Variants in SEMA3A observed in about 807,000 individuals in gnomAD.
The protein encoded by SEMA3A is semaphorin-3A.
SEMA3A carries 29 observed loss-of-function variants against 97.9 expected under a neutral mutation model. The observed-to-expected ratio is 0.30, with a 90% CI of 0.22 to 0.40. The LOEUF (loss-of-function observed/expected upper bound fraction) is 0.40, where lower values mean the gene tolerates loss of function less well. Among genes scored for constraint, SEMA3A ranks in the 10% least tolerant of loss-of-function variants. The pLI is 1.00. For missense variants in SEMA3A, 763 were observed against 951.3 expected, an observed-to-expected ratio of 0.80 and a Z score of 2.60; for synonymous variants, 321 against 323.7, an observed-to-expected ratio of 0.99 and a Z score of 0.09.
chr7:84,026,354 T>C (rs1314529896), intron 6 of SEMA3A, among the ~76,000 whole-genome samples: 1 of 152,182 alleles, frequency 6.6e-6, no homozygotes, highest in Non-Finnish European at 1.5e-5. Context: ...AATTCTCTAC[T>C]AATAATTTTT....
intron 2 of SEMA3A, among the ~76,000 whole-genome samples, chr7:84,333,605 C>A (rs1456727129): frequency 1.3e-5 from 2 of 152,054 alleles, no homozygotes; most frequent in Non-Finnish European, 2.9e-5. Flanking sequence ...AATTGAAATG[C>A]AGAAAAATAC....
chr7:83,964,832 T>C (rs1788606795), intron 15 of SEMA3A, among the ~76,000 whole-genome samples: 1 of 152,238 alleles, frequency 6.6e-6, no homozygotes, highest in Non-Finnish European at 1.5e-5. Context: ...CATGTGCCAA[T>C]ATCTATATTG....
intron 5 of SEMA3A, among the ~76,000 whole-genome samples, chr7:84,055,288 C>G (rs1304345916): frequency 6.6e-6 from 1 of 152,138 alleles, no homozygotes; most frequent in African/African-American, 2.4e-5. Context: ...CAATGGCGGG[C>G]GCCCCTCCCC....
intron 4 of SEMA3A, among the ~76,000 whole-genome samples, chr7:84,096,482 T>C (rs1794777495): frequency 6.6e-6 from 1 of 152,070 alleles, no homozygotes; most frequent in Non-Finnish European, 1.5e-5. Flanking sequence ...CATAAGTAGT[T>C]ATGAGTATAC....
chr7:84,086,550 ATAATATAT>A (rs1464808199), intron 4 of SEMA3A, among the ~76,000 whole-genome samples: 24 of 73,060 alleles, frequency 3.3e-4, no homozygotes, highest in African/African-American at 6.9e-4. Context: ...ATATTTACAT[ATAATATAT>A]TATTATATTA....
At chr7:84,098,727 G>C (rs1291757148) in intron 4 of SEMA3A, among the ~76,000 whole-genome samples, 1 of 152,016 alleles carries the variant, frequency 6.6e-6, no homozygotes, top group Non-Finnish European at 1.5e-5. Context: ...GTATTAATAA[G>C]CACATCATAT....
intron 1 of SEMA3A, among the ~76,000 whole-genome samples, chr7:84,389,004 G>A (rs546442291): frequency 1.3e-5 from 2 of 151,946 alleles, no homozygotes; most frequent in South Asian, 2.1e-4. Context: ...TTATTATAAA[G>A]GAACAAATTA....
In SEMA3A at chr7:84,166,581, A is replaced by C. The variant is rs1050147762; in HGVS notation, c.112+27894T>G. ...AGCAAAACTCCGTCAAAAAAAAAAA[A>C]AAAATTGCCGGGGGGGCGCAGTGGC... On this transcript the variant is annotated intron_variant, in intron 1 of 16. Transcript: ENST00000265362. Among the ~76,000 whole-genome samples, 4 of 151,014 alleles carry C rather than the reference A, an allele frequency of 2.6e-5. No individual in the cohort carries two copies. The East Asian group carries it at 7.9e-4, about 30-fold the overall frequency.
chr7:84,425,323 AATATAAATATAATATATTG>A (rs1331375613), intron 1 of SEMA3A, among the ~76,000 whole-genome samples: 2 of 108,018 alleles, frequency 1.9e-5, no homozygotes, highest in African/African-American at 9.3e-5. Flanking sequence ...TAATGATATA[AATATAAATATAATATATTG>A]ATATAAATAT....
intron 1 of SEMA3A, among the ~76,000 whole-genome samples, chr7:84,145,603 C>T (rs889670164): frequency 6.6e-6 from 1 of 152,054 alleles, no homozygotes; most frequent in Non-Finnish European, 1.5e-5. Flanking sequence ...TATCAAATAA[C>T]AATTAAATGG....
chr7:84,408,350 C>T (rs1804162064), intron 1 of SEMA3A, among the ~76,000 whole-genome samples: 1 of 152,088 alleles, frequency 6.6e-6, no homozygotes, highest in Non-Finnish European at 1.5e-5. Context: ...GAGATATCAT[C>T]TCACACCAGT....
chr7:84,317,984 A>C (rs1315125635), intron 2 of SEMA3A, among the ~76,000 whole-genome samples: 1 of 152,182 alleles, frequency 6.6e-6, no homozygotes, highest in African/African-American at 2.4e-5. Context: ...AGAAACAAAC[A>C]AAAAGAGTTG....
intron 4 of SEMA3A, among the ~76,000 whole-genome samples, chr7:84,103,919 A>G (rs1795031896): frequency 6.6e-6 from 1 of 152,062 alleles, no homozygotes; most frequent in South Asian, 2.1e-4. Flanking sequence ...TATGAATAGA[A>G]ATTTCCTCTT....
chr7:84,140,855 T>C (rs1205818319), intron 1 of SEMA3A, among the ~76,000 whole-genome samples: 1 of 152,158 alleles, frequency 6.6e-6, no homozygotes, highest in African/African-American at 2.4e-5. Context: ...TTTGCTATCA[T>C]TGTCATTTCA....
At chr7:84,490,311 T>C (rs913253125) in intron 1 of SEMA3A, among the ~76,000 whole-genome samples, 1 of 152,036 alleles carries the variant, frequency 6.6e-6, no homozygotes, top group Non-Finnish European at 1.5e-5. Context: ...CTCACTCAGC[T>C]ATACTTGTCA....
chr7:84,468,212 A>G (rs1806055165), intron 1 of SEMA3A, among the ~76,000 whole-genome samples: 1 of 152,138 alleles, frequency 6.6e-6, no homozygotes, highest in Non-Finnish European at 1.5e-5. Context: ...ACATTTTGGG[A>G]TATTTTGCAT....
rs550602944 is a variant in SEMA3A at position 84,189,982 on chromosome 7, C to T, written c.112+4493G>A. On this transcript the variant is annotated intron_variant, in intron 1 of 16. Transcript: ENST00000265362. Reference sequence around the variant, plus strand: ...ATAGTAGAACTCTAGAAATCAGTCACATGAAGAGAAAAAAACCCTAAAAAG... The same window carrying T: ...ATAGTAGAACTCTAGAAATCAGTCATATGAAGAGAAAAAAACCCTAAAAAG... 2.6e-3 allele frequency among the ~76,000 whole-genome samples: 400 copies of T among 151,660 alleles called. 3 individuals carry two copies. The highest frequency in any genetic ancestry group is 6.8e-3 in the Middle Eastern group (2 of 294).
chr7:84,245,082 C>T (rs140043728), intron 3 of SEMA3A, among the ~76,000 whole-genome samples: 1 of 152,004 alleles, frequency 6.6e-6, no homozygotes, highest in Admixed American at 6.6e-5. Context: ...TTGCTCTTCT[C>T]GAGGAATATC....
At chr7:84,281,652 A>G (rs1800442324) in intron 3 of SEMA3A, among the ~76,000 whole-genome samples, 1 of 152,180 alleles carries the variant, frequency 6.6e-6, no homozygotes, top group Non-Finnish European at 1.5e-5. Context: ...ATTAGATAGT[A>G]TAGTGTGGTG....
Sources: gnomAD v4.1 joint callset for allele counts (sites outside exome capture counted in the v4.1 genomes callset) on GRCh38, gnomAD v4.1.1 for gene constraint, MANE v1.5 for transcripts, NCBI Gene and HGNC (gene_info 2026-07-23, HGNC 2026-07-21) for gene names.